The following CSMD2 variants were observed in gnomAD, a reference collection of about 807,000 sequenced individuals.
CSMD2 encodes the protein CUB and sushi domain-containing protein 2.
Under a neutral mutation model 398.5 loss-of-function variants are expected in CSMD2, and 130 were observed. That is an observed-to-expected ratio of 0.33 (90% CI 0.28 to 0.38). CSMD2 has a LOEUF of 0.38. Among genes scored for constraint, CSMD2 ranks in the 10% least tolerant of loss-of-function variants. CSMD2 has a pLI of 1.00. For missense variants in CSMD2, 3,829 were observed against 4,764.9 expected (o/e 0.80, Z 5.78); for synonymous variants, 1,828 against 1,908.5 (o/e 0.96, Z 1.10).
chr1:33,528,626 C>T (rs1033573063), intron 64 of CSMD2, among the ~76,000 whole-genome samples: 2 of 152,198 alleles, frequency 1.3e-5, no homozygotes, highest in African/African-American at 4.8e-5. Flanking sequence ...TCTTCATTTC[C>T]TCCTGCTCTT....
At chr1:33,933,664 G>C (rs1169154766) in intron 4 of CSMD2, among the ~76,000 whole-genome samples, 1 of 152,180 alleles carries the variant, frequency 6.6e-6, no homozygotes, top group Non-Finnish European at 1.5e-5. Flanking sequence ...AGATACAGCA[G>C]CTTTCAGGCT....
At chr1:33,751,248 G>T (rs2149273557) in intron 13 of CSMD2, among the ~76,000 whole-genome samples, 1 of 152,268 alleles carries the variant, frequency 6.6e-6, no homozygotes, top group South Asian at 2.1e-4. Flanking sequence ...GAGAGAAAGG[G>T]GACTGGCAGG....
Position 34,033,888 on chromosome 1 carries a change from C to T in CSMD2, c.405-1182G>A, listed in dbSNP as rs575828504. Among the ~76,000 whole-genome samples the T allele has an allele frequency of 3.3e-5, 5 of 152,248 alleles. No homozygotes were observed. The South Asian group carries it at 6.2e-4, about 19-fold the overall frequency. ...CCTTATGCTAGATGAAGCCCTTGCC[C>T]TTCCCACCATCCTAACCTTGTGGGA... On this transcript the variant is annotated intron_variant, in intron 2 of 70. Coordinates refer to ENST00000373381, the MANE Select transcript of CSMD2 (RefSeq NM_001281956.2).
Position 33,950,852 on chromosome 1 carries a change from C to T in CSMD2, c.518-14898G>A, listed in dbSNP as rs532298588. 2.6e-5 allele frequency among the ~76,000 whole-genome samples: 4 copies of T among 152,338 alleles called. No individual in the cohort carries two copies. In the South Asian group the frequency reaches 8.3e-4, roughly 32 times the overall value. On this transcript the variant is annotated intron_variant, in intron 3 of 70. Coordinates refer to ENST00000373381, the MANE Select transcript of CSMD2 (RefSeq NM_001281956.2). ...GTATCTTGTCTCCCTCCTTCCTATTCAGCCAAGGATTGGGATGCGTCTGTC... is the reference window on the plus strand; with the variant it reads ...GTATCTTGTCTCCCTCCTTCCTATTTAGCCAAGGATTGGGATGCGTCTGTC...
At chr1:33,625,306 C>A (rs1642045883) in intron 33 of CSMD2, 52 bp from the exon 34 acceptor site, 1 of 1,508,966 alleles carries the variant, frequency 6.6e-7, no homozygotes, top group African/African-American at 1.4e-5. Context: ...GAAACTGGCC[C>A]AGGGACGGAC....
At chr1:33,844,685 T>C (rs374602587) in intron 6 of CSMD2, among the ~76,000 whole-genome samples, 3 of 152,334 alleles carry the variant, frequency 2.0e-5, no homozygotes, top group Non-Finnish European at 1.5e-5. Context: ...AGTTACCCTC[T>C]CTATGACTCT....
intron 13 of CSMD2, among the ~76,000 whole-genome samples, chr1:33,770,876 C>G (rs557577224): frequency 6.6e-6 from 1 of 152,308 alleles, no homozygotes; most frequent in East Asian, 1.9e-4. Context: ...CAAGGGCCTG[C>G]TGGGCAGCAC....
intron 2 of CSMD2, among the ~76,000 whole-genome samples, chr1:34,050,155 A>G (rs528153597): frequency 6.6e-6 from 1 of 152,342 alleles, no homozygotes; most frequent in Admixed American, 6.5e-5. Flanking sequence ...CAAAGAGACC[A>G]AAACAGATTT....
intron 1 of CSMD2, among the ~76,000 whole-genome samples, chr1:34,107,497 G>C (rs1660637994): frequency 6.6e-6 from 1 of 152,142 alleles, no homozygotes; most frequent in African/African-American, 2.4e-5. Flanking sequence ...TAAGGAAACT[G>C]AGGTCTAGGA....
intron 55 of CSMD2, among the ~76,000 whole-genome samples, 197 bp downstream of exon 55, chr1:33,557,537 C>A (rs1658123349): frequency 6.6e-6 from 1 of 151,974 alleles, no homozygotes; most frequent in Non-Finnish European, 1.5e-5. Flanking sequence ...GGAAGTCACC[C>A]AACAGAGGCT....
chr1:34,011,931 T>C (rs904823965), intron 3 of CSMD2, among the ~76,000 whole-genome samples: 2 of 152,100 alleles, frequency 1.3e-5, no homozygotes, highest in African/African-American at 4.8e-5. Flanking sequence ...CGAGATGAGT[T>C]AAATGAAAAG....
At position 33,788,647 on chromosome 1, in the gene CSMD2, T is replaced by C; in HGVS notation, c.1616A>G (p.Gln539Arg). 1 of 1,614,042 alleles carries C rather than the reference T, an allele frequency of 6.2e-7. No individual in the cohort carries two copies. Reference sequence around the variant, plus strand: ...CAGGGAACTGCCACTGCCATCAGTCTGGAAGAGGAGCCACATTTGATGATT... The same window carrying C: ...CAGGGAACTGCCACTGCCATCAGTCCGGAAGAGGAGCCACATTTGATGATT... ...STNHQMWLLFQTDGSGSSLGF... is the reference protein window; with the variant it reads ...STNHQMWLLFRTDGSGSSLGF... Residue 539 changes from glutamine to arginine, a missense_variant, in exon 12 of 71, where the codon CAG (glutamine) becomes CGG (arginine). Physicochemically the swap from Gln to Arg is conservative, Grantham distance 43. This residue lies in a region of CSMD2 where 2,001 missense variants were observed against 2,567.1 expected (regional missense o/e 0.78). Coordinates refer to ENST00000373381, the MANE Select transcript of CSMD2 (RefSeq NM_001281956.2).
chr1:33,646,786 C>T lies in CSMD2; in HGVS notation c.4636G>A (p.Asp1546Asn). ...CTTCCTATGAGAGGGCTGAGAGAGT[C>T]CCGTCCGTCGTAGATATGGAGGAAG... is the stretch of plus-strand genomic sequence containing the variant. ...YDFLHIYDGRDSLSPLIGSFY... is the reference protein window; with the variant it reads ...YDFLHIYDGRNSLSPLIGSFY... Residue 1546 changes from aspartate (D) to asparagine (N), a missense_variant, in exon 29 of 71, where the codon GAC (aspartate) becomes AAC (asparagine). This residue lies in a region of CSMD2 where 2,001 missense variants were observed against 2,567.1 expected (regional missense o/e 0.78). Transcript: ENST00000373381. The T allele has an allele frequency of 6.2e-7, 1 of 1,613,946 alleles. No homozygotes were observed. Among genetic ancestry groups the T allele is most frequent in the Middle Eastern group, 1.6e-4 (1 of 6,062 alleles).
intron 64 of CSMD2, among the ~76,000 whole-genome samples, chr1:33,532,741 G>T (rs929362723): frequency 1.3e-5 from 2 of 152,164 alleles, no homozygotes; most frequent in Non-Finnish European, 2.9e-5. Flanking sequence ...GTTTTATCAA[G>T]GGTGCAATAT....
Position 33,519,504 on chromosome 1 carries a change from G to C in CSMD2, c.*14C>G, listed in dbSNP as rs201139787. 248 of 1,602,582 alleles carry C rather than the reference G, an allele frequency of 1.5e-4. No individual in the cohort carries two copies. The highest frequency in any genetic ancestry group is 6.8e-5 in the Admixed American group (4 of 58,962). On this transcript the variant is annotated 3_prime_UTR_variant, in exon 70 of 71. Coordinates refer to ENST00000373381, the MANE Select transcript of CSMD2 (RefSeq NM_001281956.2). The surrounding 1 kb of genome is among the most constrained non-coding windows in gnomAD (Gnocchi z 5.6). The stretch of plus-strand genomic sequence containing the variant: ...GGGGCTCTCGGTGGCGGTGGTGGCG[G>C]CCAGGCCGGGTGGCTATACTGCTGT...
At chr1:33,530,850 C>G (rs1452291357) in intron 64 of CSMD2, among the ~76,000 whole-genome samples, 1 of 151,994 alleles carries the variant, frequency 6.6e-6, no homozygotes, top group Non-Finnish European at 1.5e-5. Flanking sequence ...TACGGTAAGA[C>G]AAATACTGCA....
At chr1:34,077,008 G>C (rs1156466581) in intron 2 of CSMD2, among the ~76,000 whole-genome samples, 5 of 142,854 alleles carry the variant, frequency 3.5e-5, no homozygotes, top group Middle Eastern at 3.9e-3. Flanking sequence ...GAATCTAATA[G>C]GAGGAAAGTT....
chr1:33,707,852 G>T (rs148297016), intron 22 of CSMD2, among the ~76,000 whole-genome samples: 2 of 152,182 alleles, frequency 1.3e-5, no homozygotes, highest in African/African-American at 4.8e-5. Flanking sequence ...CTGAAAGCAT[G>T]GAAATTTAAT....
chr1:33,819,983 T>C (rs898868029), intron 8 of CSMD2, 146 bp from the exon 9 acceptor site: 8 of 1,035,952 alleles, frequency 7.7e-6, no homozygotes, highest in East Asian at 2.6e-5. Flanking sequence ...ACTAAAAATC[T>C]CCATTGGAAG....
Sources: allele counts gnomAD v4.1 joint callset (sites outside exome capture counted in the v4.1 genomes callset), GRCh38; gene constraint gnomAD v4.1.1; regional missense constraint gnomAD v4.1.1; non-coding constraint Gnocchi (gnomAD v3.1); transcripts MANE v1.5; gene names NCBI Gene and HGNC (gene_info 2026-07-23, HGNC 2026-07-21).